The following SGCZ variants were observed in gnomAD, a reference collection of about 807,000 sequenced individuals.
The protein encoded by SGCZ is sarcoglycan zeta.
In SGCZ, 40 loss-of-function variants were observed where a neutral mutation model predicts 41.3. The ratio of observed to expected loss-of-function variants is 0.97; its 90% CI spans 0.75 to 1.26. The LOEUF (loss-of-function observed/expected upper bound fraction) is 1.26. Ranked by LOEUF, SGCZ falls within the 50% of genes most tolerant of loss-of-function variation. The pLI is 0.00. For missense variants in SGCZ, 552 were observed against 369.8 expected, an observed-to-expected ratio of 1.49 and a Z score of -4.04; for synonymous variants, 206 against 137.5, an observed-to-expected ratio of 1.50 and a Z score of -3.49.
chr8:14,817,194 C>T (rs1563290104), intron 1 of SGCZ, among the ~76,000 whole-genome samples: 1 of 152,150 alleles, frequency 6.6e-6, no homozygotes, highest in South Asian at 2.1e-4. Flanking sequence ...GTCACAGAAG[C>T]CCAGGATAAC....
At chr8:15,014,651 A>T (rs1802956764) in intron 1 of SGCZ, among the ~76,000 whole-genome samples, 1 of 152,092 alleles carries the variant, frequency 6.6e-6, no homozygotes, top group African/African-American at 2.4e-5. Context: ...TTTATCCAAA[A>T]CACCCTTCAC....
At chr8:14,434,922 C>T (rs571297129) in intron 2 of SGCZ, among the ~76,000 whole-genome samples, 2 of 152,180 alleles carry the variant, frequency 1.3e-5, no homozygotes, top group Admixed American at 6.5e-5. Flanking sequence ...CAAGTCCTCA[C>T]CAGACACCAC....
chr8:14,853,590 A>T (rs1803427573), intron 1 of SGCZ: 1 of 444,010 alleles, frequency 2.3e-6, no homozygotes, highest in African/African-American at 2.0e-5. Context: ...GTTAAAAAAA[A>T]ATTCAGTCAC....
At chr8:14,354,464 T>C (rs1197436043) in intron 2 of SGCZ, among the ~76,000 whole-genome samples, 1 of 151,864 alleles carries the variant, frequency 6.6e-6, no homozygotes, top group Admixed American at 6.6e-5. Flanking sequence ...CAAAAATTAG[T>C]ACTCTTGTAG....
chr8:14,225,597 T>G (rs1481557391), intron 4 of SGCZ, among the ~76,000 whole-genome samples: 2 of 152,024 alleles, frequency 1.3e-5, no homozygotes, highest in Non-Finnish European at 2.9e-5. Flanking sequence ...ACAGAAAAAG[T>G]CAGAGGGATA....
At chr8:15,189,716 T>C (rs753896099) in intron 1 of SGCZ, among the ~76,000 whole-genome samples, 1 of 151,856 alleles carries the variant, frequency 6.6e-6, no homozygotes, top group Non-Finnish European at 1.5e-5. Context: ...GCCCAGCTAA[T>C]TTTTTTGTAT....
intron 2 of SGCZ, among the ~76,000 whole-genome samples, chr8:14,526,532 A>G (rs970013059): frequency 1.7e-4 from 26 of 152,294 alleles, no homozygotes; most frequent in Non-Finnish European, 2.5e-4. Flanking sequence ...CACACATTGT[A>G]TACTCCTTCT....
At chr8:14,229,947 G>T (rs1160127081) in intron 4 of SGCZ, among the ~76,000 whole-genome samples, 1 of 152,004 alleles carries the variant, frequency 6.6e-6, no homozygotes, top group Non-Finnish European at 1.5e-5. Context: ...AAATTTCATT[G>T]AAAAATAAAA....
At chr8:14,525,969 C>A (rs1251702084) in intron 2 of SGCZ, among the ~76,000 whole-genome samples, 4 of 151,732 alleles carry the variant, frequency 2.6e-5, no homozygotes, top group East Asian at 1.9e-4. Flanking sequence ...TCTAAGCAAA[C>A]CTTCAGTTAA....
At chr8:14,257,485 A>G (rs1240791792) in intron 3 of SGCZ, among the ~76,000 whole-genome samples, 1 of 112,162 alleles carries the variant, frequency 8.9e-6, no homozygotes, top group Non-Finnish European at 2.2e-5. Flanking sequence ...TTAACGTATG[A>G]CAATTTTTTT....
chr8:14,128,942 G>A (rs753260717), intron 5 of SGCZ, among the ~76,000 whole-genome samples: 6 of 152,160 alleles, frequency 3.9e-5, no homozygotes, highest in Non-Finnish European at 8.8e-5. Flanking sequence ...GGACGGTGGA[G>A]AGGAGGATGA....
At chr8:14,123,050 G>A (rs1228492797) in intron 5 of SGCZ, among the ~76,000 whole-genome samples, 1 of 152,142 alleles carries the variant, frequency 6.6e-6, no homozygotes, top group African/African-American at 2.4e-5. Context: ...TGATAGTTCT[G>A]TCACCAAGTG....
rs536971035 is a variant in SGCZ at position 14,872,256 on chromosome 8, A to G, written c.40-317330T>C. On this transcript the variant is annotated intron_variant, in intron 1 of 7. Coordinates refer to ENST00000382080, the MANE Select transcript of SGCZ (RefSeq NM_139167.4). ...TGGGTTCAGCAAACCACCATGGCAC[A>G]TGTATACCTATGTAACAAACCTGCA... 3.9e-5 allele frequency among the ~76,000 whole-genome samples: 6 copies of G among 152,246 alleles called. No individual in the cohort carries two copies. The East Asian group carries it at 1.2e-3, about 29-fold the overall frequency.
intron 1 of SGCZ, among the ~76,000 whole-genome samples, chr8:14,642,638 C>T (rs1232147514): frequency 6.6e-6 from 1 of 151,450 alleles, no homozygotes; most frequent in Non-Finnish European, 1.5e-5. Flanking sequence ...TGGTAGCTTC[C>T]TTTCTTATTG....
intron 1 of SGCZ, among the ~76,000 whole-genome samples, chr8:14,882,710 A>G (rs540144898): frequency 6.6e-6 from 1 of 152,072 alleles, no homozygotes; most frequent in South Asian, 2.1e-4. Context: ...GCTAATAGCA[A>G]CACAACTCCT....
intron 4 of SGCZ, among the ~76,000 whole-genome samples, chr8:14,235,440 T>C (rs1157520394): frequency 6.6e-6 from 1 of 152,228 alleles, no homozygotes; most frequent in Non-Finnish European, 1.5e-5. Flanking sequence ...TAACATTTTT[T>C]TCTTTCTCCG....
intron 2 of SGCZ, among the ~76,000 whole-genome samples, chr8:14,378,171 C>A (rs1804209389): frequency 6.6e-6 from 1 of 150,392 alleles, no homozygotes; most frequent in South Asian, 2.1e-4. Flanking sequence ...TCCTATTTCT[C>A]CACATCCTCT....
At chr8:14,201,421 C>T (rs1262868348) in intron 4 of SGCZ, among the ~76,000 whole-genome samples, 1 of 152,084 alleles carries the variant, frequency 6.6e-6, no homozygotes, top group African/African-American at 2.4e-5. Context: ...GTGGTACATC[C>T]ATGCAACAGA....
chr8:14,551,508 TATATATATTATATATAATATATATA>T (rs1803831317), intron 2 of SGCZ, among the ~76,000 whole-genome samples: 4 of 4,806 alleles, frequency 8.3e-4, no homozygotes, highest in African/African-American at 2.7e-3. Context: ...TTATATATAT[TATATATATTATATATAATATATATA>T]ATATATATAA....
Sources: allele counts gnomAD v4.1 joint callset (sites outside exome capture counted in the v4.1 genomes callset), GRCh38; gene constraint gnomAD v4.1.1; transcripts MANE v1.5; gene names NCBI Gene and HGNC (gene_info 2026-07-23, HGNC 2026-07-21).